The following CALCB variants were observed in gnomAD, a reference collection of about 807,000 sequenced individuals.
CALCB encodes calcitonin related polypeptide beta.
A neutral mutation model predicts 10.7 loss-of-function variants in CALCB; 8 were observed. That is an observed-to-expected ratio of 0.75 (90% CI 0.44 to 1.34). CALCB has a LOEUF of 1.34. Ranked by LOEUF, CALCB falls within the 40% of genes most tolerant of loss-of-function variation. The probability of loss-of-function intolerance (pLI) is 0.01; values close to 1 mark genes in which losing one functional copy is unlikely to be tolerated. For synonymous variants in CALCB, 76 were observed against 66.9 expected (o/e 1.14, Z -0.66); for missense variants, 176 against 162.5 (o/e 1.08, Z -0.45).
At position 15,075,083 on chromosome 11, in the gene CALCB, G is replaced by C; in HGVS notation, c.109G>C (p.Asp37His). The change falls in exon 3 of 5, where the codon GAC becomes CAC. Residue 37 changes from aspartate to histidine, a missense_variant. Physicochemically the swap from Asp to His is moderately conservative, Grantham distance 81 (BLOSUM62 -1). Transcript: ENST00000324229. The stretch of plus-strand genomic sequence containing the variant: ...CAGGTCTGCCCTGGAGAGCAGCCCA[G>C]ACCCGGCCACACTCAGTAAAGAGGA... ...PFRSALESSP[D>H]PATLSKEDAR... 1 of 1,614,228 alleles carries C rather than the reference G, an allele frequency of 6.2e-7. No homozygotes were observed. The highest frequency in any genetic ancestry group is 8.5e-7 in the Non-Finnish European group (1 of 1,180,032).
intron 1 of CALCB, among the ~76,000 whole-genome samples, 171 bp from the exon 2 acceptor site, chr11:15,074,539 C>T (rs1850376237): frequency 6.6e-6 from 1 of 152,244 alleles, no homozygotes; most frequent in Non-Finnish European, 1.5e-5. Flanking sequence ...AAGCCATTCA[C>T]TCACTGCAAT....
intron 4 of CALCB, 146 bp downstream of exon 4, chr11:15,077,616 C>T: frequency 2.7e-6 from 2 of 732,104 alleles, no homozygotes; most frequent in Non-Finnish European, 4.4e-6. Context: ...CTTTCTAGAA[C>T]CTAGCATGAT....
chr11:15,077,268 C>T lies in CALCB; in HGVS notation c.225-18C>T, dbSNP rs201697350. 6.0e-5 allele frequency: 96 copies of T among 1,612,180 alleles called. No individual in the cohort carries two copies. In the African/African-American group the frequency reaches 1.2e-3, roughly 19 times the overall value. ...TTCACTCACAGGTCTTCTCTTCTTT[C>T]TCTATCTTGCAAATCAGCTCCGCTG... On this transcript the variant is annotated intron_variant, in intron 3 of 4. Coordinates refer to ENST00000324229, the MANE Select transcript of CALCB (RefSeq NM_000728.4).
rs1214011038 is a variant in CALCB, at chr11:15,078,570, A to T, written c.*513A>T. The T allele has an allele frequency of 6.6e-6, 1 of 152,188 alleles. No individual in the cohort carries two copies. Among genetic ancestry groups the T allele is most frequent in the Non-Finnish European group, 1.5e-5 (1 of 68,024 alleles). 9.4% of individuals were successfully genotyped at this position (152,188 alleles called of 1,614,324 possible). ...TTCAAAACCTTGGTGATGCATTACA[A>T]CTTGTTTTCTTATGTAATAATAATG... is the stretch of plus-strand genomic sequence containing the variant. On this transcript the variant is annotated 3_prime_UTR_variant, in exon 5 of 5. Coordinates refer to ENST00000324229, the MANE Select transcript of CALCB (RefSeq NM_000728.4).
chr11:15,077,801 T>A (rs16930880), intron 4 of CALCB, among the ~76,000 whole-genome samples: 14,691 of 152,248 alleles, frequency 0.096, 700 homozygotes, highest in African/African-American at 0.11. Flanking sequence ...TTCAGGTGGA[T>A]AAGCTGTAAT....
chr11:15,077,507 G>A, intron 4 of CALCB, 37 bp downstream of exon 4: 3 of 1,590,378 alleles, frequency 1.9e-6, no homozygotes, highest in South Asian at 1.1e-5. Flanking sequence ...GAGGGGGAAG[G>A]GACTTGGAGT....
chr11:15,077,422 C>A lies in CALCB; in HGVS notation c.361C>A (p.Arg121Ser). The change falls in exon 4 of 5, where the codon CGC (arginine) becomes AGC (serine). Residue 121 changes from arginine (R) to serine (S), a missense_variant. Arg to Ser is a moderately radical substitution (Grantham distance 110, BLOSUM62 -1). Transcript: ENST00000324229. ...TNVGSKAFGR[R>S]RRDLQA ...TGTGGGTTCCAAAGCCTTTGGCAGG[C>A]GCCGCAGGGACCTTCAAGCCTGAGC... is the stretch of plus-strand genomic sequence containing the variant. 1.2e-6 allele frequency: 2 copies of A among 1,614,160 alleles called. No individual in the cohort carries two copies. The highest frequency in any genetic ancestry group is 2.2e-5 in the East Asian group (1 of 44,880).
At chr11:15,077,512 T>C in intron 4 of CALCB, 42 bp downstream of exon 4, 2 of 1,580,984 alleles carry the variant, frequency 1.3e-6, no homozygotes, top group South Asian at 2.3e-5. Context: ...GGAAGGGACT[T>C]GGAGTTAAAA....
rs562383496 is a variant in CALCB at position 15,075,231 on chromosome 11, C to T, written c.224+33C>T. 84 of 1,613,292 alleles carry T rather than the reference C, an allele frequency of 5.2e-5. No homozygotes were observed. The East Asian group carries it at 1.6e-3, about 32-fold the overall frequency. On this transcript the variant is annotated intron_variant, in intron 3 of 4. Transcript: ENST00000324229. ...TCCCCAAGCGCCCAGCACAGGGACT[C>T]CTCTCCCCGCAGCATACACAGGAAG...
chr11:15,075,420 T>C (rs1414270566), intron 3 of CALCB, among the ~76,000 whole-genome samples: 2 of 152,196 alleles, frequency 1.3e-5, no homozygotes, highest in African/African-American at 4.8e-5. Context: ...CTGAAAGCTG[T>C]TAGAACATAG....
chr11:15,074,976 C>A (rs1202995996), intron 2 of CALCB, 85 bp from the exon 3 acceptor site: 4 of 1,546,366 alleles, frequency 2.6e-6, no homozygotes, highest in Non-Finnish European at 8.9e-7. Flanking sequence ...GGGGAAGAAG[C>A]AGAGACCAGG....
intron 4 of CALCB, among the ~76,000 whole-genome samples, chr11:15,077,830 T>C (rs1850409878): frequency 6.6e-6 from 1 of 152,182 alleles, no homozygotes; most frequent in African/African-American, 2.4e-5. Context: ...ACTACCAAGA[T>C]TAATAGATGC....
intron 3 of CALCB, among the ~76,000 whole-genome samples, chr11:15,075,781 A>C (rs1463240847): frequency 6.6e-6 from 1 of 152,114 alleles, no homozygotes; most frequent in Non-Finnish European, 1.5e-5. Context: ...GCATGTTGTC[A>C]TGAGGCCAGG....
intron 3 of CALCB, among the ~76,000 whole-genome samples, chr11:15,076,963 G>C (rs1026534141): frequency 2.0e-5 from 3 of 152,158 alleles, no homozygotes; most frequent in African/African-American, 7.2e-5. Context: ...TGTGGCTGGG[G>C]TATGGTCTCT....
intron 3 of CALCB, among the ~76,000 whole-genome samples, chr11:15,076,607 C>T (rs897184809): frequency 1.6e-4 from 24 of 152,236 alleles, no homozygotes; most frequent in African/African-American, 5.5e-4. Flanking sequence ...CATCCAATTT[C>T]TGCTTCTAAA....
Position 15,075,041 on chromosome 11 carries a change from A to G in CALCB, c.87-20A>G. On this transcript the variant is annotated intron_variant, in intron 2 of 4. Transcript: ENST00000324229. ...AGTCAGGGGCTCACAGCCTGCAAGG[A>G]GTTTGCTTCCCTTCCACAGGTCTGC... 1 of 1,613,950 alleles carries G rather than the reference A, an allele frequency of 6.2e-7. No homozygotes were observed. Among genetic ancestry groups the G allele is most frequent in the Non-Finnish European group, 8.5e-7 (1 of 1,179,838 alleles).
chr11:15,075,291 A>G, intron 3 of CALCB, 93 bp downstream of exon 3: 1 of 1,590,488 alleles, frequency 6.3e-7, no homozygotes, highest in Non-Finnish European at 8.6e-7. Flanking sequence ...ACACACTGGC[A>G]AGGGGTCCAG....
chr11:15,076,702 G>A (rs1792918844), intron 3 of CALCB, among the ~76,000 whole-genome samples: 1 of 152,224 alleles, frequency 6.6e-6, no homozygotes, highest in African/African-American at 2.4e-5. Flanking sequence ...GAGCTGCGGT[G>A]CTCATTGCTC....
chr11:15,075,613 G>T (rs1850387597), intron 3 of CALCB, among the ~76,000 whole-genome samples: 1 of 152,180 alleles, frequency 6.6e-6, no homozygotes, highest in Non-Finnish European at 1.5e-5. Context: ...ATCTCAGAAA[G>T]TTTTAGAAAT....
Sources: gnomAD v4.1 joint callset for allele counts (sites outside exome capture counted in the v4.1 genomes callset) on GRCh38, gnomAD v4.1.1 for gene constraint, MANE v1.5 for transcripts, NCBI Gene and HGNC (gene_info 2026-07-23, HGNC 2026-07-21) for gene names.